Variants in CENPP observed in about 807,000 individuals in gnomAD.
CENPP encodes the protein centromere protein P.
In CENPP, 24 loss-of-function variants were observed where a neutral mutation model predicts 35.6. That is an observed-to-expected ratio of 0.67 (90% CI 0.49 to 0.95). The LOEUF is 0.95. CENPP is among the 40% of genes least tolerant of loss of function. The pLI is 0.00. For synonymous variants in CENPP, 120 were observed against 125.5 expected, an observed-to-expected ratio of 0.96 and a Z score of 0.29; for missense variants, 332 against 345.3, an observed-to-expected ratio of 0.96 and a Z score of 0.31.
intron 5 of CENPP, among the ~76,000 whole-genome samples, chr9:92,538,717 C>A (rs1006122897): frequency 6.6e-6 from 1 of 152,126 alleles, no homozygotes; most frequent in Non-Finnish European, 1.5e-5. Flanking sequence ...TTCTCCTACC[C>A]CCTTTATTAT....
At chr9:92,569,076 T>G (rs1850068812) in intron 5 of CENPP, among the ~76,000 whole-genome samples, 1 of 152,236 alleles carries the variant, frequency 6.6e-6, no homozygotes, top group African/African-American at 2.4e-5. Flanking sequence ...GCAGAAGCAC[T>G]TTAGTTTAGT....
intron 4 of CENPP, among the ~76,000 whole-genome samples, chr9:92,356,123 T>C (rs1411969327): frequency 6.6e-6 from 1 of 152,180 alleles, no homozygotes; most frequent in Non-Finnish European, 1.5e-5. Flanking sequence ...AAACTAAAAA[T>C]AACTACTGCT....
chr9:92,591,143 G>T (rs1273579805), intron 5 of CENPP, among the ~76,000 whole-genome samples: 1 of 151,836 alleles, frequency 6.6e-6, no homozygotes, highest in Non-Finnish European at 1.5e-5. Flanking sequence ...CAGGGGGCCG[G>T]GTGCGGTGGC....
chr9:92,417,554 C>A lies in CENPP; in HGVS notation c.564+37695C>A, dbSNP rs145087009. On this transcript the variant is annotated intron_variant, in intron 5 of 7. Coordinates refer to ENST00000375587, the MANE Select transcript of CENPP (RefSeq NM_001012267.3). ...AATAACATATATTGGACTTAAAAAA[C>A]CCATCTTCTTTTTTTTTTTCCTATT... The A allele has an allele frequency of 5.3e-4, 822 of 1,556,512 alleles. 7 individuals carry two copies. The highest frequency in any genetic ancestry group is 7.0e-4 in the Admixed American group (33 of 47,084).
intron 1 of CENPP, among the ~76,000 whole-genome samples, chr9:92,329,781 C>T (rs1043782053): frequency 1.5e-4 from 23 of 152,094 alleles, no homozygotes; most frequent in African/African-American, 4.6e-4. Context: ...CATGTTGGCC[C>T]GACTGGTCTT....
At chr9:92,472,676 C>G (rs774469532) in intron 5 of CENPP, among the ~76,000 whole-genome samples, 1 of 151,910 alleles carries the variant, frequency 6.6e-6, no homozygotes, top group African/African-American at 2.4e-5. Context: ...AATAATAATA[C>G]TAAAATAAAA....
chr9:92,372,041 TA>T lies in CENPP; in HGVS notation c.468-7703del, dbSNP rs1167832452. Among the ~76,000 whole-genome samples the T allele has an allele frequency of 5.5e-3, 288 of 52,258 alleles. 1 individual carries two copies. The highest frequency in any genetic ancestry group is 0.016 in the African/African-American group (210 of 13,098). 34.3% of individuals were successfully genotyped at this position (52,258 alleles called of 152,430 possible). A position where few individuals can be genotyped will look rare whatever the true frequency, so the allele number is the denominator to read the frequency against. On this transcript the variant is annotated intron_variant, in intron 4 of 7. Transcript: ENST00000375587. ...CTGGGCAACAGAGTGAGACTCCATCTAAAAAAAAAAAAAAAAAAAGTGCTGG... is the reference window on the plus strand; with the variant it reads ...CTGGGCAACAGAGTGAGACTCCATCTAAAAAAAAAAAAAAAAAAGTGCTGG...
At chr9:92,397,795 C>G (rs1286216897) in intron 5 of CENPP, among the ~76,000 whole-genome samples, 2 of 152,184 alleles carry the variant, frequency 1.3e-5, no homozygotes, top group African/African-American at 4.8e-5. Context: ...AATACACATA[C>G]ATGCAACATA....
intron 5 of CENPP, chr9:92,536,074 T>G (rs747998288): frequency 2.0e-6 from 1 of 491,518 alleles, no homozygotes. Flanking sequence ...CTTAGTAAAA[T>G]CTAAAATAAC....
chr9:92,459,817 G>T, intron 5 of CENPP: 1 of 1,584,196 alleles, frequency 6.3e-7, no homozygotes, highest in East Asian at 2.2e-5. Flanking sequence ...ATGGTTAGGT[G>T]TGATAGAGTT....
intron 4 of CENPP, among the ~76,000 whole-genome samples, chr9:92,354,224 G>A (rs189547326): frequency 2.6e-4 from 40 of 152,326 alleles, no homozygotes; most frequent in African/African-American, 8.4e-4. Context: ...CTATTCCAGT[G>A]AGGACAAACC....
chr9:92,464,993 T>A, intron 5 of CENPP: 1 of 1,613,978 alleles, frequency 6.2e-7, no homozygotes, highest in Non-Finnish European at 8.5e-7. Context: ...TGCCCCTGGC[T>A]CTATCCCATT....
chr9:92,370,713 C>T (rs1489413714), intron 4 of CENPP, among the ~76,000 whole-genome samples: 5 of 152,174 alleles, frequency 3.3e-5, no homozygotes, highest in Non-Finnish European at 7.3e-5. Context: ...AACTCCTGTC[C>T]TCAGGTGATC....
Position 92,611,348 on chromosome 9 carries a change from GGC to G in CENPP, c.600_601del (p.Pro201LeufsTer16). 3.1e-6 allele frequency: 5 copies of G among 1,613,578 alleles called. No individual in the cohort carries two copies. Among genetic ancestry groups the G allele is most frequent in the Non-Finnish European group, 4.2e-6 (5 of 1,179,962 alleles). On this transcript the variant is annotated frameshift_variant, in exon 6 of 8. Coordinates refer to ENST00000375587, the MANE Select transcript of CENPP (RefSeq NM_001012267.3). LOFTEE classifies it high-confidence loss of function. ...CCAGATGCCGTGTACCTCTCGGAGG[GGC>G]CCTCCTCCTGCTCCATGGGGATCCG...
At chr9:92,514,849 C>CCCTCCTCCT (rs754026851) in intron 5 of CENPP, 201 of 1,611,610 alleles carry the variant, frequency 1.2e-4, no homozygotes, top group Non-Finnish European at 1.6e-4. Context: ...ACCCTCCTCA[C>CCCTCCTCCT]CCTCCTCCTC....
At chr9:92,452,177 A>C (rs79600375) in intron 5 of CENPP, among the ~76,000 whole-genome samples, 1 of 151,244 alleles carries the variant, frequency 6.6e-6, no homozygotes, top group Non-Finnish European at 1.5e-5. Flanking sequence ...GTCTTGTGCC[A>C]CTTTTCAAAG....
chr9:92,415,488 T>C, intron 5 of CENPP: 1 of 1,493,124 alleles, frequency 6.7e-7, no homozygotes, highest in Non-Finnish European at 9.1e-7. Context: ...CTGAAAGAAA[T>C]AAATTAAAAA....
At chr9:92,581,799 A>T (rs1229198695) in intron 5 of CENPP, among the ~76,000 whole-genome samples, 5 of 152,238 alleles carry the variant, frequency 3.3e-5, no homozygotes, top group Non-Finnish European at 7.3e-5. Context: ...ACTGTATAAC[A>T]TAATCATAAT....
In CENPP at chr9:92,544,545, T is replaced by G. The variant is rs1305717318; in HGVS notation, c.565-66769T>G. 8.2e-5 allele frequency among the ~76,000 whole-genome samples: 7 copies of G among 85,330 alleles called. No individual in the cohort carries two copies. The South Asian group carries it at 4.0e-3, about 49-fold the overall frequency. The allele number at this position is 85,330 out of a possible 152,430, so 56.0% of individuals were successfully genotyped here. A position where few individuals can be genotyped will look rare whatever the true frequency, so the allele number is the denominator to read the frequency against. On this transcript the variant is annotated intron_variant, in intron 5 of 7. Coordinates refer to ENST00000375587, the MANE Select transcript of CENPP (RefSeq NM_001012267.3). Reference sequence around the variant, plus strand: ...TTCTATAGTTAATTTGTTGAGGGGTTTTTTTTTTTATCATGAGAGGGTGTT... The same window carrying G: ...TTCTATAGTTAATTTGTTGAGGGGTGTTTTTTTTTATCATGAGAGGGTGTT...
Sources: allele counts gnomAD v4.1 joint callset (sites outside exome capture counted in the v4.1 genomes callset), GRCh38; gene constraint gnomAD v4.1.1; transcripts MANE v1.5; gene names NCBI Gene and HGNC (gene_info 2026-07-23, HGNC 2026-07-21).